The following MREG variants were observed in gnomAD, a reference collection of about 807,000 sequenced individuals.
MREG encodes melanoregulin, also known as dilute suppressor protein homolog.
In MREG, 31 loss-of-function variants were observed where a neutral mutation model predicts 28.5. The observed-to-expected ratio is 1.09, with a 90% CI of 0.82 to 1.47. The LOEUF (loss-of-function observed/expected upper bound fraction) is 1.47. Among genes scored for constraint, MREG ranks in the 40% most tolerant of loss-of-function variants. The probability of loss-of-function intolerance (pLI) is 0.00; values close to 1 mark genes in which losing one functional copy is unlikely to be tolerated. For missense variants in MREG, 256 were observed against 257.4 expected (o/e 0.99, Z 0.04); for synonymous variants, 106 against 95.2 (o/e 1.11, Z -0.66).
At chr2:215,998,320 A>AAAAATAAT (rs1553554015) in intron 1 of MREG, among the ~76,000 whole-genome samples, 7 of 138,902 alleles carry the variant, frequency 5.0e-5, no homozygotes, top group African/African-American at 1.9e-4. Context: ...AAAAAAAAAA[A>AAAAATAAT]AATAATAATA....
chr2:216,030,595 G>A (rs78477759), intron 1 of MREG, among the ~76,000 whole-genome samples: 5,702 of 151,998 alleles, frequency 0.038, 333 homozygotes, highest in African/African-American at 0.13. Flanking sequence ...CCAAGCTGGA[G>A]TGTAGTGGCA....
intron 1 of MREG, among the ~76,000 whole-genome samples, chr2:216,030,944 T>A (rs867503831): frequency 6.3e-4 from 36 of 57,440 alleles, no homozygotes; most frequent in Middle Eastern, 8.2e-3. Context: ...TCTCTCTCTC[T>A]CTCTCTCTCT....
At chr2:215,955,068 A>T (rs974036078) in intron 2 of MREG, among the ~76,000 whole-genome samples, 2 of 152,218 alleles carry the variant, frequency 1.3e-5, no homozygotes, top group African/African-American at 4.8e-5. Context: ...TCTGTCCCCC[A>T]GTCACTAGTG....
At chr2:216,022,870 G>A (rs12104693) in intron 1 of MREG, among the ~76,000 whole-genome samples, 58,041 of 151,970 alleles carry the variant, frequency 0.38, 11,546 homozygotes, top group African/African-American at 0.5. Flanking sequence ...ACTCGAAGTT[G>A]CAAAATAGGA....
At chr2:215,941,387 T>TC (rs1692195363), downstream of MREG, among the ~76,000 whole-genome samples, 13 of 152,248 alleles carry the variant, frequency 8.5e-5, no homozygotes, top group South Asian at 2.7e-3. Context: ...GGAAAAGAAC[T>TC]CCATTTATTA....
chr2:215,949,053 A>G (rs1574589970), intron 2 of MREG, among the ~76,000 whole-genome samples: 1 of 135,982 alleles, frequency 7.4e-6, no homozygotes. Context: ...TACTACTACT[A>G]CTACTACTAC....
intron 2 of MREG, among the ~76,000 whole-genome samples, chr2:215,978,758 C>T (rs1352978585): frequency 6.6e-6 from 1 of 152,240 alleles, no homozygotes; most frequent in African/African-American, 2.4e-5. Context: ...TAATCTATCA[C>T]ATAAACAGAA....
At chr2:215,972,117 C>A (rs890564949) in intron 2 of MREG, among the ~76,000 whole-genome samples, 6 of 152,234 alleles carry the variant, frequency 3.9e-5, no homozygotes, top group Middle Eastern at 3.4e-3. Flanking sequence ...GTGTCCTCTA[C>A]CTTCAGGACC....
rs185234082 is a variant in MREG at position 216,013,368 on chromosome 2, G to A, written c.-41C>T. ...CCACCGGCGCCGGAAGCCTGGGGCC[G>A]AGTCGCCGCGGCGAGCGATCGAGGC... On this transcript the variant is annotated 5_prime_UTR_variant, in exon 1 of 5. Transcript: ENST00000263268. 36 of 1,431,420 alleles carry A rather than the reference G, an allele frequency of 2.5e-5. No individual in the cohort carries two copies. Among genetic ancestry groups the A allele is most frequent in the Non-Finnish European group, 3.3e-5 (36 of 1,079,720 alleles). The allele number at this position is 1,431,420 out of a possible 1,614,324, so 88.7% of individuals were successfully genotyped here. A position where few individuals can be genotyped will look rare whatever the true frequency, so the allele number is the denominator to read the frequency against.
At chr2:216,012,250 C>T (rs576109078) in intron 1 of MREG, among the ~76,000 whole-genome samples, 3 of 152,166 alleles carry the variant, frequency 2.0e-5, no homozygotes, top group Non-Finnish European at 4.4e-5. Flanking sequence ...TTCCCACGGC[C>T]GCAAGGAGTG....
intron 1 of MREG, among the ~76,000 whole-genome samples, chr2:216,027,809 C>G (rs1160607128): frequency 6.6e-6 from 1 of 152,164 alleles, no homozygotes; most frequent in Non-Finnish European, 1.5e-5. Flanking sequence ...GAACAAGAGT[C>G]AAGCCAACTC....
intron 1 of MREG, among the ~76,000 whole-genome samples, chr2:216,031,738 G>C (rs1418364525): frequency 1.4e-5 from 2 of 142,838 alleles, no homozygotes; most frequent in East Asian, 4.0e-4. Context: ...TTGGATAAAA[G>C]CATCCATTTA....
At chr2:216,000,610 G>A (rs1693991909) in intron 1 of MREG, among the ~76,000 whole-genome samples, 1 of 152,172 alleles carries the variant, frequency 6.6e-6, no homozygotes, top group Non-Finnish European at 1.5e-5. Flanking sequence ...CAACAGGTGG[G>A]TCAGTTCCTC....
chr2:216,020,815 A>G (rs1694508718), intron 1 of MREG, among the ~76,000 whole-genome samples: 1 of 152,222 alleles, frequency 6.6e-6, no homozygotes, highest in African/African-American at 2.4e-5. Flanking sequence ...GTTGGGCCAA[A>G]GCCCCGCAAA....
intron 2 of MREG, among the ~76,000 whole-genome samples, chr2:215,966,122 G>T (rs1692931127): frequency 1.3e-5 from 2 of 151,986 alleles, no homozygotes; most frequent in Non-Finnish European, 2.9e-5. Flanking sequence ...ATTTAGTATT[G>T]TGAATCAGAG....
intron 1 of MREG, among the ~76,000 whole-genome samples, chr2:216,021,078 C>T (rs1417419009): frequency 6.6e-6 from 1 of 152,116 alleles, no homozygotes; most frequent in Non-Finnish European, 1.5e-5. Flanking sequence ...ATTCTTGGAC[C>T]CTATTTGACA....
chr2:215,963,442 AAAAAAAAAAAAAAC>A (rs963872764), intron 2 of MREG, among the ~76,000 whole-genome samples: 25 of 13,804 alleles, frequency 1.8e-3, no homozygotes, highest in Admixed American at 3.4e-3. Context: ...TCTCAAAAAA[AAAAAAAAAAAAAAC>A]AAAAAAACAG....
chr2:215,964,797 C>T (rs772648415), intron 2 of MREG, among the ~76,000 whole-genome samples: 2 of 152,068 alleles, frequency 1.3e-5, no homozygotes, highest in Non-Finnish European at 2.9e-5. Flanking sequence ...TGGGCAAAAT[C>T]TTTAACCCAA....
intron 2 of MREG, among the ~76,000 whole-genome samples, chr2:215,964,659 T>C (rs1038983814): frequency 1.3e-5 from 2 of 152,148 alleles, no homozygotes; most frequent in Admixed American, 6.5e-5. Flanking sequence ...CTATCAAAAA[T>C]AAAATGAAAT....
Sources: gnomAD v4.1 joint callset for allele counts (sites outside exome capture counted in the v4.1 genomes callset) on GRCh38, gnomAD v4.1.1 for gene constraint, MANE v1.5 for transcripts, NCBI Gene and HGNC (gene_info 2026-07-23, HGNC 2026-07-21) for gene names.